The following CHCHD6 variants were observed in gnomAD, a reference collection of about 807,000 sequenced individuals.
The protein encoded by CHCHD6 is MICOS complex subunit MIC25.
A neutral mutation model predicts 32.3 loss-of-function variants in CHCHD6; 28 were observed. That is an observed-to-expected ratio of 0.87 (90% confidence interval 0.64 to 1.19). CHCHD6 has a LOEUF of 1.19. Ranked by LOEUF, CHCHD6 falls within the 50% of genes most tolerant of loss-of-function variation. The pLI, the probability that CHCHD6 is intolerant of heterozygous loss-of-function variation, is 0.00. For synonymous variants in CHCHD6, 122 were observed against 117.5 expected (o/e 1.04, Z -0.25); for missense variants, 333 against 307.0 (o/e 1.08, Z -0.63).
intron 5 of CHCHD6, among the ~76,000 whole-genome samples, chr3:126,893,975 G>T (rs963035784): frequency 6.6e-6 from 1 of 152,260 alleles, no homozygotes; most frequent in African/African-American, 2.4e-5. Context: ...GAGCTGTGCT[G>T]CTGAGAGGGC....
intron 5 of CHCHD6, among the ~76,000 whole-genome samples, chr3:126,871,746 A>G (rs1576534950): frequency 6.8e-6 from 1 of 147,638 alleles, no homozygotes; most frequent in South Asian, 2.2e-4. Context: ...GCTCACTGCA[A>G]CCTCCGCCTC....
At chr3:126,710,484 A>G (rs899994659) in intron 1 of CHCHD6, among the ~76,000 whole-genome samples, 1 of 152,222 alleles carries the variant, frequency 6.6e-6, no homozygotes, top group Non-Finnish European at 1.5e-5. Context: ...GCTGACAGGG[A>G]TTTTGATAGG....
chr3:126,830,357 A>G (rs572625703), intron 4 of CHCHD6, among the ~76,000 whole-genome samples: 2 of 152,294 alleles, frequency 1.3e-5, no homozygotes, highest in South Asian at 4.1e-4. Flanking sequence ...CTTAGGGTGC[A>G]CTTAGTGAAG....
chr3:126,899,657 T>C (rs2077893743), intron 5 of CHCHD6, among the ~76,000 whole-genome samples: 1 of 152,186 alleles, frequency 6.6e-6, no homozygotes, highest in African/African-American at 2.4e-5. Context: ...TCCCTTGGGC[T>C]TCAGAGAGCA....
At chr3:126,877,532 G>A (rs993423891) in intron 5 of CHCHD6, among the ~76,000 whole-genome samples, 35 of 151,172 alleles carry the variant, frequency 2.3e-4, no homozygotes, top group Admixed American at 1.2e-3. Context: ...TCCAGCCTGG[G>A]CGACAGAGTG....
At chr3:126,847,659 G>A (rs139210546) in intron 4 of CHCHD6, among the ~76,000 whole-genome samples, 1,553 of 152,278 alleles carry the variant, frequency 0.01, 28 homozygotes, top group African/African-American at 0.035. Flanking sequence ...GGCCCCCTTC[G>A]TGTGCTTTTT....
chr3:126,915,621 G>C (rs943855303), intron 6 of CHCHD6, among the ~76,000 whole-genome samples: 1 of 152,208 alleles, frequency 6.6e-6, no homozygotes, highest in African/African-American at 2.4e-5. Context: ...GCACAGAATT[G>C]TGAGCAGTGG....
In CHCHD6 at chr3:126,885,020, G is replaced by A. The variant is rs73205700; in HGVS notation, c.496-29660G>A. ...GGAGTAGAAGAGTGCCTTAGTGAACGCCCCATCTCGCTGACCTGAAGGCCA... is the reference window on the plus strand; with the variant it reads ...GGAGTAGAAGAGTGCCTTAGTGAACACCCCATCTCGCTGACCTGAAGGCCA... On this transcript the variant is annotated intron_variant, in intron 5 of 7. Transcript: ENST00000290913. Among the ~76,000 whole-genome samples, 1,104 of 152,260 alleles carry A rather than the reference G, an allele frequency of 7.3e-3. 7 individuals carry two copies. Among genetic ancestry groups the A allele is most frequent in the Non-Finnish European group, 0.012 (810 of 68,022 alleles).
chr3:126,869,288 C>CTTTTTTTT (rs58408227), intron 5 of CHCHD6, among the ~76,000 whole-genome samples: 7 of 108,670 alleles, frequency 6.4e-5, no homozygotes, highest in South Asian at 3.0e-4. Context: ...CACCAGTCTC[C>CTTTTTTTT]TTTTTTTTTT....
chr3:126,922,611 T>C (rs985597251), intron 6 of CHCHD6, among the ~76,000 whole-genome samples: 2 of 141,952 alleles, frequency 1.4e-5, no homozygotes, highest in African/African-American at 5.3e-5. Context: ...TCCCTGAATT[T>C]CAGCCCACCA....
intron 4 of CHCHD6, chr3:126,767,339 G>C (rs114294428): frequency 2.2e-6 from 2 of 891,010 alleles, no homozygotes; most frequent in Admixed American, 3.4e-5. Context: ...CAAGGCCAAG[G>C]TGTAGTTCTG....
chr3:126,797,916 G>C (rs1268036930), intron 4 of CHCHD6, among the ~76,000 whole-genome samples: 1 of 152,228 alleles, frequency 6.6e-6, no homozygotes, highest in East Asian at 1.9e-4. Flanking sequence ...GCCAGTGTCT[G>C]GCTCCAGTCC....
intron 7 of CHCHD6, 31 bp downstream of exon 7, chr3:126,957,582 A>G (rs2107610958): frequency 1.9e-6 from 3 of 1,551,532 alleles, no homozygotes; most frequent in Non-Finnish European, 2.6e-6. Context: ...CAGGTTTCCA[A>G]GGGCCTTGGG....
chr3:126,926,101 A>G (rs1021452658), intron 6 of CHCHD6, among the ~76,000 whole-genome samples: 1 of 152,160 alleles, frequency 6.6e-6, no homozygotes, highest in African/African-American at 2.4e-5. Flanking sequence ...CTCAGCTCAA[A>G]TGTGTCTTTC....
chr3:126,808,256 AAGAG>A (rs1204506336), intron 4 of CHCHD6, among the ~76,000 whole-genome samples: 1 of 152,168 alleles, frequency 6.6e-6, no homozygotes, highest in Admixed American at 6.5e-5. Flanking sequence ...CAGAGTGAGA[AAGAG>A]AGAGTGTGAA....
At chr3:126,882,449 G>A (rs2077623340) in intron 5 of CHCHD6, among the ~76,000 whole-genome samples, 1 of 152,120 alleles carries the variant, frequency 6.6e-6, no homozygotes, top group African/African-American at 2.4e-5. Flanking sequence ...CGCTGCAGAG[G>A]TTCCTCTGAT....
chr3:126,925,774 C>A (rs2078315460), intron 6 of CHCHD6, among the ~76,000 whole-genome samples: 1 of 152,226 alleles, frequency 6.6e-6, no homozygotes, highest in Non-Finnish European at 1.5e-5. Flanking sequence ...GCACCGGGGG[C>A]CACCATCCAC....
intron 1 of CHCHD6, among the ~76,000 whole-genome samples, chr3:126,707,496 A>G (rs981141555): frequency 6.6e-5 from 10 of 152,214 alleles, no homozygotes; most frequent in Admixed American, 6.5e-4. Context: ...GAAGGCACAC[A>G]TGGCAGTCAT....
At chr3:126,861,730 T>G (rs1387378170) in intron 5 of CHCHD6, among the ~76,000 whole-genome samples, 2 of 55,586 alleles carry the variant, frequency 3.6e-5, no homozygotes, top group Non-Finnish European at 7.1e-5. Flanking sequence ...CACCTCCCCC[T>G]TCACTACCAT....
Sources: gnomAD v4.1 joint callset for allele counts (sites outside exome capture counted in the v4.1 genomes callset) on GRCh38, gnomAD v4.1.1 for gene constraint, MANE v1.5 for transcripts, NCBI Gene and HGNC (gene_info 2026-07-23, HGNC 2026-07-21) for gene names.